TEKT5: variants seen among roughly 807,000 people sequenced by gnomAD.
TEKT5 encodes tektin 5, also known as tektin-5.
Under a neutral mutation model 48.7 loss-of-function variants are expected in TEKT5, and 52 were observed. The ratio of observed to expected loss-of-function variants is 1.07; its 90% CI spans 0.86 to 1.35. The LOEUF (loss-of-function observed/expected upper bound fraction) is 1.35. Ranked by LOEUF, TEKT5 falls within the 40% of genes most tolerant of loss-of-function variation. The pLI is 0.00. For missense variants in TEKT5, 831 were observed against 641.6 expected (o/e 1.30, Z -3.19); for synonymous variants, 318 against 267.6 (o/e 1.19, Z -1.84).
intron 5 of TEKT5, among the ~76,000 whole-genome samples, chr16:10,674,910 C>T (rs145819830): frequency 7.2e-5 from 11 of 151,810 alleles, no homozygotes; most frequent in Non-Finnish European, 1.3e-4. Flanking sequence ...GCAACCTCTG[C>T]CTCCCAAGTT....
chr16:10,691,654 T>C (rs1898979401), intron 1 of TEKT5, among the ~76,000 whole-genome samples: 2 of 152,006 alleles, frequency 1.3e-5, no homozygotes, highest in South Asian at 2.1e-4. Context: ...AATTAAGATG[T>C]TAATTTCTGG....
intron 5 of TEKT5, among the ~76,000 whole-genome samples, chr16:10,656,251 ATTTATTTTTATT>A (rs1355440092): frequency 6.6e-6 from 1 of 151,866 alleles, no homozygotes; most frequent in African/African-American, 2.4e-5. Flanking sequence ...CTCTTGATTT[ATTTATTTTTATT>A]TTTATTTTTT....
Position 10,658,820 on chromosome 16 carries a change from C to G in TEKT5, c.1086+17139G>C, listed in dbSNP as rs527734410. Among the ~76,000 whole-genome samples, 6 of 152,148 alleles carry G rather than the reference C, an allele frequency of 3.9e-5. No homozygotes were observed. In the South Asian group the frequency reaches 1.2e-3, roughly 32 times the overall value. On this transcript the variant is annotated intron_variant, in intron 5 of 6. Coordinates refer to ENST00000283025, the MANE Select transcript of TEKT5 (RefSeq NM_144674.2). ...GCAACCTCTGCCTCCTGGGTTCAAG[C>G]AATTCTCGTACCTCAGTCCCCTGAG... is the stretch of plus-strand genomic sequence containing the variant.
chr16:10,674,780 A>T (rs1898614943), intron 5 of TEKT5, among the ~76,000 whole-genome samples: 1 of 151,834 alleles, frequency 6.6e-6, no homozygotes, highest in Non-Finnish European at 1.5e-5. Context: ...GCAGCCCACT[A>T]ATCCCCCCAA....
intron 5 of TEKT5, among the ~76,000 whole-genome samples, chr16:10,656,724 C>T (rs1226797668): frequency 6.6e-6 from 1 of 152,202 alleles, no homozygotes; most frequent in East Asian, 1.9e-4. Flanking sequence ...AGGTATTCAA[C>T]TGGGTACATG....
intron 3 of TEKT5, among the ~76,000 whole-genome samples, chr16:10,686,436 GAC>G (rs766772795): frequency 1.3e-5 from 2 of 148,686 alleles, no homozygotes; most frequent in African/African-American, 2.5e-5. Flanking sequence ...CAGCCTGGGT[GAC>G]AGAGGGAGAC....
At position 10,631,680 on chromosome 16, in the gene TEKT5, G is replaced by A. The variant is rs112472509; in HGVS notation, c.1242-3881C>T. 9.5e-3 allele frequency among the ~76,000 whole-genome samples: 1,453 copies of A among 152,232 alleles called. 12 individuals carry two copies. The highest frequency in any genetic ancestry group is 0.016 in the Non-Finnish European group (1,112 of 68,018). On this transcript the variant is annotated intron_variant, in intron 6 of 6. Transcript: ENST00000283025. ...ATCTCCTGATAAGAGAAAGGAGAGG[G>A]AGGTTTGAGACATGGAGACATGCAG...
chr16:10,661,890 G>C (rs1331820622), intron 5 of TEKT5, among the ~76,000 whole-genome samples: 5 of 152,166 alleles, frequency 3.3e-5, no homozygotes, highest in Non-Finnish European at 5.9e-5. Flanking sequence ...TTCCAGGATG[G>C]ATTTAGGTAA....
At chr16:10,636,745 T>TTTACCTTCTTAGTAA (rs1897919340) in intron 5 of TEKT5, among the ~76,000 whole-genome samples, 2 of 149,722 alleles carry the variant, frequency 1.3e-5, no homozygotes, top group African/African-American at 4.9e-5. Flanking sequence ...AGACTCAGAG[T>TTTACCTTCTTAGTAA]TTACCTTCTT....
intron 6 of TEKT5, among the ~76,000 whole-genome samples, chr16:10,632,038 G>A (rs1439120619): frequency 4.6e-5 from 7 of 152,218 alleles, no homozygotes; most frequent in East Asian, 1.9e-4. Context: ...GTGAAACTGT[G>A]CTCAGGACCA....
rs1899040678 is a variant in TEKT5, at chr16:10,694,481, G to A, written c.393C>T (p.His131=). The A allele has an allele frequency of 6.2e-7, 1 of 1,613,816 alleles. No homozygotes were observed. Among genetic ancestry groups the A allele is most frequent in the Non-Finnish European group, 8.5e-7 (1 of 1,179,940 alleles). Reference sequence around the variant, plus strand: ...TCCGGCAGGTGCCCTCCTGCATCTGGTGCGTCAGCTGGTCCTTGTCCTGCA... The same window carrying A: ...TCCGGCAGGTGCCCTCCTGCATCTGATGCGTCAGCTGGTCCTTGTCCTGCA... The part of the protein sequence containing the change: ...RLLQDKDQLT[H]QMQEGTCRNL... The change falls in exon 1 of 7, where the codon CAC becomes CAT. Residue 131 remains histidine (H), a synonymous_variant. Transcript: ENST00000283025.
chr16:10,665,873 G>A (rs1282362381), intron 5 of TEKT5, among the ~76,000 whole-genome samples: 1 of 152,188 alleles, frequency 6.6e-6, no homozygotes, highest in African/African-American at 2.4e-5. Context: ...TATAGCCTGA[G>A]ATAGCTGGAA....
In TEKT5 at chr16:10,689,984, C is replaced by T. The variant is rs1485394004; in HGVS notation, c.606G>A (p.Gly202=). Residue 202 remains glycine (G), a synonymous_variant, in exon 2 of 7, where the codon GGG becomes GGA. Coordinates refer to ENST00000283025, the MANE Select transcript of TEKT5 (RefSeq NM_144674.2). ...ECLYHREKRI[G]IDLVHDNVEK... is the part of the protein sequence containing the mutation. ...CCACGTTGTCATGGACCAAATCAAT[C>T]CCAATCCTCTTCTCTCGATGGTACA... 6.2e-7 allele frequency: 1 copy of T among 1,613,984 alleles called. No individual in the cohort carries two copies. Among genetic ancestry groups the T allele is most frequent in the African/African-American group, 1.3e-5 (1 of 74,892 alleles).
At chr16:10,682,246 G>A (rs940182025) in intron 3 of TEKT5, 110 bp from the exon 4 acceptor site, 2 of 1,312,438 alleles carry the variant, frequency 1.5e-6, no homozygotes, top group Non-Finnish European at 2.1e-6. Context: ...AAGCCACCCA[G>A]TAGCTTCTCA....
intron 3 of TEKT5, among the ~76,000 whole-genome samples, chr16:10,683,666 C>T (rs1052684721): frequency 1.3e-5 from 2 of 152,218 alleles, no homozygotes; most frequent in South Asian, 4.1e-4. Context: ...TCTCAGCTCA[C>T]TGCAACTTCC....
intron 5 of TEKT5, among the ~76,000 whole-genome samples, chr16:10,639,927 C>T (rs1897966786): frequency 6.6e-6 from 1 of 152,210 alleles, no homozygotes; most frequent in African/African-American, 2.4e-5. Context: ...GCTGGCACTG[C>T]CTCACAGTCT....
chr16:10,690,444 T>C (rs1898949131), intron 1 of TEKT5, among the ~76,000 whole-genome samples: 1 of 152,228 alleles, frequency 6.6e-6, no homozygotes, highest in African/African-American at 2.4e-5. Context: ...GACCACTTCC[T>C]ATTGTGTGCA....
In TEKT5 at chr16:10,682,180, G is replaced by T. The variant is rs202193733; in HGVS notation, c.720-44C>A. On this transcript the variant is annotated intron_variant, in intron 3 of 6. Transcript: ENST00000283025. The stretch of plus-strand genomic sequence containing the variant: ...CATTCCTGGACTATGCACCTGCACA[G>T]AGTACCCAGCTTGGGCCACACAGCA... 9.7e-4 allele frequency: 1,546 copies of T among 1,598,686 alleles called. 13 individuals are homozygous for T. The Middle Eastern group carries it at 0.011, about 12-fold the overall frequency.
intron 5 of TEKT5, among the ~76,000 whole-genome samples, chr16:10,645,644 A>C (rs951752915): frequency 2.0e-5 from 3 of 152,134 alleles, no homozygotes; most frequent in African/African-American, 7.2e-5. Context: ...CTCTGCTAAA[A>C]ATACAAAAAT....
Sources: gnomAD v4.1 joint callset for allele counts (sites outside exome capture counted in the v4.1 genomes callset) on GRCh38, gnomAD v4.1.1 for gene constraint, MANE v1.5 for transcripts, NCBI Gene and HGNC (gene_info 2026-07-23, HGNC 2026-07-21) for gene names.